The following PACRG variants were observed in gnomAD, a reference collection of about 807,000 sequenced individuals.
PACRG encodes parkin coregulated, also known as parkin coregulated gene protein.
In PACRG, 29 loss-of-function variants were observed where a neutral mutation model predicts 29.7. The observed-to-expected ratio is 0.98, with a 90% CI of 0.73 to 1.33. The LOEUF (loss-of-function observed/expected upper bound fraction) is 1.33. PACRG is among the 40% of genes most tolerant of loss of function. The pLI is 0.00. For synonymous variants in PACRG, 116 were observed against 118.7 expected (o/e 0.98, Z 0.15); for missense variants, 279 against 316.2 (o/e 0.88, Z 0.89).
intron 1 of PACRG, among the ~76,000 whole-genome samples, chr6:162,732,183 C>T (rs1334508140): frequency 6.6e-6 from 1 of 152,132 alleles, no homozygotes; most frequent in Non-Finnish European, 1.5e-5. Context: ...AAGCTTGACC[C>T]ATGAAGCAAC....
At chr6:162,730,024 T>G (rs1779631066) in intron 1 of PACRG, among the ~76,000 whole-genome samples, 1 of 151,322 alleles carries the variant, frequency 6.6e-6, no homozygotes, top group Admixed American at 6.6e-5. Flanking sequence ...CAAACATTAT[T>G]TATCCATTCA....
In PACRG at chr6:163,231,884, C is replaced by T. The variant is rs534516342; in HGVS notation, c.614-82943C>T. ...CAGCCTCACCCAAGAATGCTGAGCA[C>T]GCAGTTACTGTAGGTAAACAAGTCC... On this transcript the variant is annotated intron_variant, in intron 4 of 4. Coordinates refer to ENST00000366888, the MANE Select transcript of PACRG (RefSeq NM_001080379.2). 1.1e-4 allele frequency among the ~76,000 whole-genome samples: 16 copies of T among 152,296 alleles called. No homozygotes were observed. In the South Asian group the frequency reaches 1.7e-3, roughly 16 times the overall value.
At chr6:162,816,042 TATTA>T (rs981410497) in intron 2 of PACRG, among the ~76,000 whole-genome samples, 173 of 152,268 alleles carry the variant, frequency 1.1e-3, no homozygotes, top group African/African-American at 4.0e-3. Flanking sequence ...GAAAATAAAT[TATTA>T]ATAAAAATAT....
chr6:162,803,049 C>A (rs1786011904), intron 1 of PACRG, among the ~76,000 whole-genome samples: 1 of 152,146 alleles, frequency 6.6e-6, no homozygotes, highest in Non-Finnish European at 1.5e-5. Flanking sequence ...AATAAGGACT[C>A]TTCAGATGTC....
chr6:162,854,891 G>A (rs1322718628), intron 2 of PACRG, among the ~76,000 whole-genome samples: 1 of 152,196 alleles, frequency 6.6e-6, no homozygotes, highest in Admixed American at 6.5e-5. Flanking sequence ...TCCCTTTGGA[G>A]GTGCACAGAG....
intron 2 of PACRG, among the ~76,000 whole-genome samples, chr6:163,008,348 C>T (rs563600929): frequency 6.6e-6 from 1 of 152,126 alleles, no homozygotes; most frequent in South Asian, 2.1e-4. Context: ...CAGAATTTCC[C>T]CAGTAAAATC....
intron 4 of PACRG, among the ~76,000 whole-genome samples, chr6:163,168,440 A>C (rs1385797658): frequency 6.6e-6 from 1 of 152,164 alleles, no homozygotes. Flanking sequence ...TTTGCAGTGA[A>C]CCAAGATCAC....
At chr6:162,956,740 C>G (rs1226634270) in intron 2 of PACRG, among the ~76,000 whole-genome samples, 1 of 152,176 alleles carries the variant, frequency 6.6e-6, no homozygotes, top group Non-Finnish European at 1.5e-5. Context: ...CCAACCTCCT[C>G]TGTTTGGAAG....
chr6:162,895,091 G>A (rs1214376947), intron 2 of PACRG, among the ~76,000 whole-genome samples: 38 of 146,098 alleles, frequency 2.6e-4, no homozygotes, highest in Admixed American at 1.6e-3. Context: ...TGAGATCCCC[G>A]TCTCTACCCC....
chr6:162,852,005 G>GGA (rs1562663902), intron 2 of PACRG, among the ~76,000 whole-genome samples: 41 of 116,112 alleles, frequency 3.5e-4, no homozygotes, highest in Non-Finnish European at 4.8e-4. Flanking sequence ...GGGAGGGAGG[G>GGA]AGGAAGGAAG....
At chr6:162,766,439 C>T (rs1782799065) in intron 1 of PACRG, among the ~76,000 whole-genome samples, 1 of 141,524 alleles carries the variant, frequency 7.1e-6, no homozygotes, top group African/African-American at 2.8e-5. Flanking sequence ...ATTTATACCA[C>T]ATTTAAAAAA....
At chr6:163,255,555 G>A (rs1416254237) in intron 4 of PACRG, among the ~76,000 whole-genome samples, 2 of 152,152 alleles carry the variant, frequency 1.3e-5, no homozygotes, top group African/African-American at 2.4e-5. Context: ...CAGGGAGAAA[G>A]AGACCTGGGC....
At chr6:163,212,628 A>C (rs1182258393) in intron 4 of PACRG, among the ~76,000 whole-genome samples, 2 of 152,224 alleles carry the variant, frequency 1.3e-5, no homozygotes, top group African/African-American at 4.8e-5. Context: ...CATAGACTAC[A>C]TTAGGAATTA....
At chr6:163,130,058 A>C (rs560810814) in intron 4 of PACRG, among the ~76,000 whole-genome samples, 19 of 152,322 alleles carry the variant, frequency 1.2e-4, no homozygotes, top group Middle Eastern at 3.4e-3. Context: ...GTGGGACAAA[A>C]GAAGTAAAAG....
At chr6:162,885,990 A>G (rs914039426) in intron 2 of PACRG, among the ~76,000 whole-genome samples, 1 of 152,074 alleles carries the variant, frequency 6.6e-6, no homozygotes, top group Non-Finnish European at 1.5e-5. Context: ...AATTTTTCCA[A>G]TTTTTCATTA....
At chr6:163,261,915 G>A (rs899644550) in intron 4 of PACRG, among the ~76,000 whole-genome samples, 1 of 152,124 alleles carries the variant, frequency 6.6e-6, no homozygotes, top group African/African-American at 2.4e-5. Flanking sequence ...GGATCACCCG[G>A]GGTCCTGGAA....
chr6:162,782,638 C>T (rs1784179469), intron 1 of PACRG, among the ~76,000 whole-genome samples: 1 of 151,762 alleles, frequency 6.6e-6, no homozygotes. Flanking sequence ...TCACTCTTTA[C>T]ATACTTCTCT....
At chr6:163,154,008 G>A (rs748267788) in intron 4 of PACRG, among the ~76,000 whole-genome samples, 7 of 152,192 alleles carry the variant, frequency 4.6e-5, no homozygotes, top group African/African-American at 7.2e-5. Flanking sequence ...TTGCACCAGC[G>A]ATCATATGTC....
chr6:162,742,565 T>C (rs917902191), intron 1 of PACRG, among the ~76,000 whole-genome samples: 1 of 152,222 alleles, frequency 6.6e-6, no homozygotes, highest in Non-Finnish European at 1.5e-5. Flanking sequence ...ATAAATATTC[T>C]CCAGGTTCAT....
Sources: allele counts gnomAD v4.1 joint callset (sites outside exome capture counted in the v4.1 genomes callset), GRCh38; gene constraint gnomAD v4.1.1; transcripts MANE v1.5; gene names NCBI Gene and HGNC (gene_info 2026-07-23, HGNC 2026-07-21).